The following PTPRT variants were observed in gnomAD, a reference collection of about 807,000 sequenced individuals.
PTPRT encodes the protein receptor-type tyrosine-protein phosphatase T.
A neutral mutation model predicts 176.8 loss-of-function variants in PTPRT; 56 were observed. The ratio of observed to expected loss-of-function variants is 0.32; its 90% CI spans 0.26 to 0.40. The LOEUF is 0.40. Ranked by LOEUF, PTPRT falls within the 10% of genes least tolerant of loss-of-function variation. The pLI is 1.00. For missense variants in PTPRT, 1,540 were observed against 1,908.2 expected, an observed-to-expected ratio of 0.81 and a Z score of 3.60; for synonymous variants, 783 against 739.0, an observed-to-expected ratio of 1.06 and a Z score of -0.96.
intron 9 of PTPRT, among the ~76,000 whole-genome samples, chr20:42,396,824 C>T (rs762949250): frequency 4.6e-5 from 7 of 152,196 alleles, no homozygotes; most frequent in Non-Finnish European, 1.0e-4. Flanking sequence ...CCCCAAAGTG[C>T]TGGGACTATA....
intron 1 of PTPRT, among the ~76,000 whole-genome samples, chr20:43,187,607 C>T (rs1053400333): frequency 1.3e-5 from 2 of 151,972 alleles, no homozygotes; most frequent in African/African-American, 4.8e-5. Flanking sequence ...CAAGCTAATC[C>T]CATTCGTTTA....
chr20:42,055,551 G>A, the PTPRT span, among the ~76,000 whole-genome samples: 2 of 152,190 alleles, frequency 1.3e-5, no homozygotes, highest in Non-Finnish European at 2.9e-5. Context: ...GGGGGCAAGG[G>A]ATGTGGTTGG....
chr20:42,463,414 A>G (rs1442467335), intron 8 of PTPRT, among the ~76,000 whole-genome samples: 1 of 152,184 alleles, frequency 6.6e-6, no homozygotes, highest in East Asian at 1.9e-4. Context: ...TCTCTTAAAA[A>G]AAAGCACACT....
At chr20:43,052,277 G>C (rs932166357) in intron 1 of PTPRT, among the ~76,000 whole-genome samples, 8 of 152,294 alleles carry the variant, frequency 5.3e-5, no homozygotes, top group Non-Finnish European at 1.0e-4. Flanking sequence ...AATGAACAAA[G>C]AAACATGTTT....
At chr20:42,345,025 A>G (rs1479127949) in intron 11 of PTPRT, among the ~76,000 whole-genome samples, 1 of 151,972 alleles carries the variant, frequency 6.6e-6, no homozygotes, top group East Asian at 1.9e-4. Context: ...CCATTCTACC[A>G]AGGGCTGCCT....
intron 11 of PTPRT, among the ~76,000 whole-genome samples, chr20:42,324,192 A>G (rs571469606): frequency 1.4e-4 from 21 of 152,362 alleles, no homozygotes; most frequent in Non-Finnish European, 2.6e-4. Flanking sequence ...TCAGTAACAA[A>G]AGAAATAAAC....
At chr20:42,918,286 C>A (rs1399088035) in intron 1 of PTPRT, among the ~76,000 whole-genome samples, 2 of 152,122 alleles carry the variant, frequency 1.3e-5, no homozygotes, top group African/African-American at 4.8e-5. Context: ...GTTAAGAAAT[C>A]CCCCCATCTC....
chr20:42,144,564 C>T (rs187425425), intron 17 of PTPRT, among the ~76,000 whole-genome samples: 31 of 152,028 alleles, frequency 2.0e-4, no homozygotes, highest in Admixed American at 5.9e-4. Flanking sequence ...GGTATGGAAA[C>T]ACAGGGAAGG....
chr20:42,155,417 A>T (rs1161540278), intron 17 of PTPRT, among the ~76,000 whole-genome samples: 2 of 152,164 alleles, frequency 1.3e-5, no homozygotes, highest in Non-Finnish European at 2.9e-5. Flanking sequence ...TGCGACCATC[A>T]GTGGGAGGGA....
In PTPRT at chr20:42,715,706, A is replaced by G. The variant is rs531200075; in HGVS notation, c.860-37547T>C. 2.0e-5 allele frequency among the ~76,000 whole-genome samples: 3 copies of G among 152,336 alleles called. No individual in the cohort carries two copies. The South Asian group carries it at 6.2e-4, about 32-fold the overall frequency. ...TTAACACATTTCTGAGAATTTTAAA[A>G]AAACATAAGGAACCAAGAGAGATAC... On this transcript the variant is annotated intron_variant, in intron 6 of 30. Coordinates refer to ENST00000373187, the MANE Select transcript of PTPRT (RefSeq NM_007050.6).
chr20:43,164,490 T>C (rs754278660), intron 1 of PTPRT, among the ~76,000 whole-genome samples: 1 of 152,130 alleles, frequency 6.6e-6, no homozygotes, highest in Non-Finnish European at 1.5e-5. Flanking sequence ...AGGAAAGATA[T>C]TTGAGCTGAG....
intron 7 of PTPRT, among the ~76,000 whole-genome samples, chr20:42,677,282 AG>A (rs1433373362): frequency 6.6e-6 from 1 of 152,160 alleles, no homozygotes; most frequent in Non-Finnish European, 1.5e-5. Flanking sequence ...AGGGAGCCTC[AG>A]GAACAATGTT....
At chr20:42,609,073 T>G (rs1269459515) in intron 7 of PTPRT, among the ~76,000 whole-genome samples, 1 of 151,996 alleles carries the variant, frequency 6.6e-6, no homozygotes, top group Non-Finnish European at 1.5e-5. Context: ...CTCCAACACT[T>G]TTTTTTCTTT....
At chr20:42,978,739 C>G (rs1983104100) in intron 1 of PTPRT, among the ~76,000 whole-genome samples, 1 of 152,152 alleles carries the variant, frequency 6.6e-6, no homozygotes, top group Admixed American at 6.5e-5. Flanking sequence ...CGAGAGTGAC[C>G]TCTGGTCATC....
At chr20:43,057,133 G>A (rs528914495) in intron 1 of PTPRT, among the ~76,000 whole-genome samples, 4 of 150,074 alleles carry the variant, frequency 2.7e-5, no homozygotes, top group East Asian at 3.9e-4. Flanking sequence ...GGGGAAGAGT[G>A]TGTCTCTTAA....
At chr20:42,711,700 T>TAG (rs1296079894) in intron 6 of PTPRT, among the ~76,000 whole-genome samples, 2 of 151,986 alleles carry the variant, frequency 1.3e-5, no homozygotes, top group Admixed American at 6.6e-5. Flanking sequence ...ATGTATAGAG[T>TAG]AGAGCCCTAT....
intron 1 of PTPRT, among the ~76,000 whole-genome samples, chr20:42,968,484 G>A (rs886939693): frequency 6.6e-5 from 10 of 152,182 alleles, no homozygotes; most frequent in Non-Finnish European, 1.2e-4. Context: ...GAACTAATAA[G>A]TGGACACCTC....
intron 3 of PTPRT, among the ~76,000 whole-genome samples, chr20:42,783,306 A>G (rs1461760313): frequency 1.1e-4 from 16 of 152,176 alleles, no homozygotes; most frequent in Admixed American, 1.0e-3. Flanking sequence ...TGAGAATAAT[A>G]TTTGTAATAC....
At chr20:43,043,470 A>T (rs1986716397) in intron 1 of PTPRT, among the ~76,000 whole-genome samples, 2 of 152,232 alleles carry the variant, frequency 1.3e-5, no homozygotes, top group Non-Finnish European at 1.5e-5. Context: ...ATTTGTCTGA[A>T]TTATCCTGTT....
Sources: allele counts gnomAD v4.1 joint callset (sites outside exome capture counted in the v4.1 genomes callset), GRCh38; gene constraint gnomAD v4.1.1; transcripts MANE v1.5; gene names NCBI Gene and HGNC (gene_info 2026-07-23, HGNC 2026-07-21).